Variants in PLCL1 observed in about 807,000 individuals in gnomAD.
PLCL1 encodes the protein inactive phospholipase C-like protein 1.
PLCL1 carries 41 observed loss-of-function variants against 84.4 expected under a neutral mutation model. The ratio of observed to expected loss-of-function variants is 0.49; its 90% CI spans 0.38 to 0.63. PLCL1 has a LOEUF of 0.63. Ranked by LOEUF, PLCL1 falls within the 30% of genes least tolerant of loss-of-function variation. The probability of loss-of-function intolerance (pLI) is 0.00; values close to 1 mark genes in which losing one functional copy is unlikely to be tolerated. For synonymous variants in PLCL1, 490 were observed against 488.3 expected (o/e 1.00, Z -0.05); for missense variants, 1,206 against 1,367.8 (o/e 0.88, Z 1.87).
rs190572150 is a variant in PLCL1, at chr2:198,034,112, G to A, written c.241-49646G>A. ...CTGCACCCATTAACTCGTCATTTAC[G>A]TTAGGTATATCTCCTAAAGCTATCC... On this transcript the variant is annotated intron_variant, in intron 1 of 5. Coordinates refer to ENST00000428675, the MANE Select transcript of PLCL1 (RefSeq NM_006226.4). Among the ~76,000 whole-genome samples the A allele has an allele frequency of 9.6e-3, 1,454 of 151,950 alleles. 8 individuals carry two copies. Among genetic ancestry groups the A allele is most frequent in the Non-Finnish European group, 0.016 (1,111 of 67,974 alleles).
At chr2:198,001,661 C>T (rs1690603777) in intron 1 of PLCL1, among the ~76,000 whole-genome samples, 1 of 151,996 alleles carries the variant, frequency 6.6e-6, no homozygotes, top group Non-Finnish European at 1.5e-5. Flanking sequence ...TCTCATGGCT[C>T]TAGAGCAGGG....
chr2:197,804,961 G>A lies in PLCL1; in HGVS notation c.-139G>A. The A allele has an allele frequency of 1.9e-6, 2 of 1,080,248 alleles. No homozygotes were observed. Among genetic ancestry groups the A allele is most frequent in the South Asian group, 1.6e-5 (1 of 62,102 alleles). 66.9% of individuals were successfully genotyped at this position (1,080,248 alleles called of 1,614,324 possible). On this transcript the variant is annotated 5_prime_UTR_variant, in exon 1 of 6. Coordinates refer to ENST00000428675, the MANE Select transcript of PLCL1 (RefSeq NM_006226.4). The stretch of plus-strand genomic sequence containing the variant: ...GAAAGTTGCCGCCGCCGCCGCCGCC[G>A]CCGCCACTGCCGCCGCTGGGCGGTG...
At chr2:197,836,727 A>C (rs774163245) in intron 1 of PLCL1, among the ~76,000 whole-genome samples, 7 of 152,040 alleles carry the variant, frequency 4.6e-5, no homozygotes, top group Non-Finnish European at 7.4e-5. Flanking sequence ...TTTACTGGGC[A>C]ATTTCTCTTT....
intron 1 of PLCL1, among the ~76,000 whole-genome samples, chr2:198,047,223 C>T (rs1050237416): frequency 1.9e-4 from 29 of 151,630 alleles, no homozygotes; most frequent in South Asian, 2.1e-4. Context: ...CTCACACTGT[C>T]GCCAGGCTGG....
intron 5 of PLCL1, among the ~76,000 whole-genome samples, chr2:198,142,972 A>C (rs1001734500): frequency 2.0e-5 from 3 of 152,094 alleles, no homozygotes; most frequent in Non-Finnish European, 4.4e-5. Flanking sequence ...AACTTATTTT[A>C]GTATACAAGA....
At chr2:198,083,638 G>T (rs1471377833) in intron 1 of PLCL1, 120 bp from the exon 2 acceptor site, 14 of 624,626 alleles carry the variant, frequency 2.2e-5, no homozygotes, top group Non-Finnish European at 3.5e-5. Context: ...TAAACTTTAG[G>T]GTAGCCTCTG....
At chr2:197,993,855 C>T (rs1326495964) in intron 1 of PLCL1, among the ~76,000 whole-genome samples, 4 of 152,178 alleles carry the variant, frequency 2.6e-5, no homozygotes, top group Non-Finnish European at 5.9e-5. Context: ...AGGATAGTAA[C>T]AGGTGGAGGC....
intron 1 of PLCL1, among the ~76,000 whole-genome samples, chr2:197,847,109 C>T (rs918756062): frequency 3.3e-5 from 5 of 152,058 alleles, no homozygotes; most frequent in Non-Finnish European, 7.4e-5. Flanking sequence ...TAAATATGGT[C>T]AGAAAGCACT....
At chr2:197,879,259 T>C (rs530703548) in intron 1 of PLCL1, among the ~76,000 whole-genome samples, 1 of 152,314 alleles carries the variant, frequency 6.6e-6, no homozygotes, top group South Asian at 2.1e-4. Context: ...AATACATAGA[T>C]ATCTGACCAT....
chr2:198,068,219 A>G (rs77319105), intron 1 of PLCL1, among the ~76,000 whole-genome samples: 268 of 152,340 alleles, frequency 1.8e-3, no homozygotes, highest in Non-Finnish European at 2.9e-3. Context: ...TAGATTATAA[A>G]TGGTTTCATT....
chr2:198,122,530 C>G (rs547438442), intron 5 of PLCL1, among the ~76,000 whole-genome samples: 1 of 152,162 alleles, frequency 6.6e-6, no homozygotes, highest in East Asian at 1.9e-4. Context: ...CCCCGGTATT[C>G]ACTTATGCTC....
chr2:198,027,371 A>G lies in PLCL1; in HGVS notation c.241-56387A>G, dbSNP rs1691294905. Among the ~76,000 whole-genome samples, 4 of 152,134 alleles carry G rather than the reference A, an allele frequency of 2.6e-5. No homozygotes were observed. The South Asian group carries it at 8.3e-4, about 32-fold the overall frequency. Reference sequence around the variant, plus strand: ...CTGGGGGAATGGAGGAATTGGGGAGATGCTGTTCAAAGGGCACAAAATTTA... The same window carrying G: ...CTGGGGGAATGGAGGAATTGGGGAGGTGCTGTTCAAAGGGCACAAAATTTA... On this transcript the variant is annotated intron_variant, in intron 1 of 5. Coordinates refer to ENST00000428675, the MANE Select transcript of PLCL1 (RefSeq NM_006226.4).
chr2:198,026,239 G>A (rs1691261902), intron 1 of PLCL1, among the ~76,000 whole-genome samples: 1 of 152,164 alleles, frequency 6.6e-6, no homozygotes, highest in Non-Finnish European at 1.5e-5. Context: ...TTTATTTATT[G>A]CAAGATTTCT....
intron 1 of PLCL1, among the ~76,000 whole-genome samples, chr2:197,906,337 T>A (rs1688381843): frequency 6.6e-6 from 1 of 152,100 alleles, no homozygotes; most frequent in African/African-American, 2.4e-5. Context: ...ATTGCTTTTT[T>A]TTTTTGTCAG....
chr2:197,854,283 A>G (rs1574913947), intron 1 of PLCL1, among the ~76,000 whole-genome samples: 1 of 152,198 alleles, frequency 6.6e-6, no homozygotes, highest in South Asian at 2.1e-4. Context: ...GATTAACTCT[A>G]CCTTTTCCCA....
intron 3 of PLCL1, among the ~76,000 whole-genome samples, chr2:198,096,921 A>G (rs910248049): frequency 6.6e-6 from 1 of 152,198 alleles, no homozygotes; most frequent in Non-Finnish European, 1.5e-5. Context: ...CAGTGTTATA[A>G]CCAGTATATA....
At chr2:197,960,830 C>G (rs1380715713) in intron 1 of PLCL1, among the ~76,000 whole-genome samples, 1 of 151,980 alleles carries the variant, frequency 6.6e-6, no homozygotes, top group Admixed American at 6.6e-5. Flanking sequence ...CTTTATTTTT[C>G]TGTGTTTAAA....
At chr2:198,031,731 A>G (rs537539312) in intron 1 of PLCL1, among the ~76,000 whole-genome samples, 10 of 135,034 alleles carry the variant, frequency 7.4e-5, no homozygotes, top group Non-Finnish European at 1.4e-4. Flanking sequence ...TTATTCATAT[A>G]TATGTCTTGT....
At chr2:197,870,118 C>T (rs942675563) in intron 1 of PLCL1, among the ~76,000 whole-genome samples, 4 of 152,106 alleles carry the variant, frequency 2.6e-5, no homozygotes, top group African/African-American at 9.7e-5. Context: ...TTCTACTGAA[C>T]TTTAGCTAAA....
Sources: gnomAD v4.1 joint callset for allele counts (sites outside exome capture counted in the v4.1 genomes callset) on GRCh38, gnomAD v4.1.1 for gene constraint, MANE v1.5 for transcripts, NCBI Gene and HGNC (gene_info 2026-07-23, HGNC 2026-07-21) for gene names.